The following CFAP47 variants were observed in gnomAD, a reference collection of about 807,000 sequenced individuals.
CFAP47 encodes cilia and flagella associated protein 47.
Under a neutral mutation model 148.1 loss-of-function variants are expected in CFAP47, and 29 were observed. The observed-to-expected ratio is 0.20, with a 90% CI of 0.15 to 0.27. The LOEUF (loss-of-function observed/expected upper bound fraction) is 0.27, where lower values mean the gene tolerates loss of function less well. Among genes scored for constraint, CFAP47 ranks in the 10% least tolerant of loss-of-function variants. CFAP47 has a pLI of 1.00. For synonymous variants in CFAP47, 664 were observed against 577.3 expected, an observed-to-expected ratio of 1.15 and a Z score of -2.15; for missense variants, 1,872 against 1,697.5, an observed-to-expected ratio of 1.10 and a Z score of -1.81.
At chrX:36,090,230 A>T (rs1199470670) in intron 30 of CFAP47, among the ~76,000 whole-genome samples, 1 of 112,069 alleles carries the variant, frequency 8.9e-6, no homozygotes, top group East Asian at 2.8e-4. Context: ...TAATTGATTC[A>T]ATAAGGTAAG....
chrX:36,191,106 A>G (rs1035438710), intron 42 of CFAP47, among the ~76,000 whole-genome samples: 63 of 111,824 alleles, frequency 5.6e-4, no homozygotes, highest in Middle Eastern at 5.0e-3. Context: ...GAAGGAAAAA[A>G]ATGCCTTTTT....
chrX:36,197,438 A>T (rs1258632152), intron 42 of CFAP47, among the ~76,000 whole-genome samples: 3 of 112,446 alleles, frequency 2.7e-5, no homozygotes, highest in Non-Finnish European at 3.8e-5. Flanking sequence ...TTGCTTATGC[A>T]CATTTTATTT....
intron 26 of CFAP47, among the ~76,000 whole-genome samples, chrX:36,052,292 A>G (rs1937522967): frequency 8.9e-6 from 1 of 112,163 alleles, no homozygotes; most frequent in African/African-American, 3.2e-5. Flanking sequence ...TAGTAGAATG[A>G]TTGACCTTTT....
intron 49 of CFAP47, among the ~76,000 whole-genome samples, chrX:36,266,544 T>C (rs1940894945): frequency 9.1e-6 from 1 of 109,543 alleles, no homozygotes; most frequent in South Asian, 4.0e-4. Context: ...TTGTGACCCA[T>C]AGGGACAGTG....
chrX:36,336,682 T>C (rs1941609518), intron 57 of CFAP47, among the ~76,000 whole-genome samples: 1 of 112,209 alleles, frequency 8.9e-6, no homozygotes, highest in South Asian at 3.7e-4. Flanking sequence ...AAGAAACATT[T>C]ATGTTTTCTT....
chrX:35,971,591 G>A lies in CFAP47; in HGVS notation c.1976G>A (p.Arg659His), dbSNP rs368056515. The A allele has an allele frequency of 1.4e-4, 157 of 1,109,380 alleles. No homozygotes were observed. The South Asian group carries it at 2.1e-3, about 15-fold the overall frequency. 91.4% of individuals were successfully genotyped at this position (1,109,380 alleles called of 1,213,427 possible). Residue 659 changes from arginine to histidine, a missense_variant, in exon 12 of 64, where the codon CGC becomes CAC. Arg to His is a conservative substitution (Grantham distance 29). Transcript: ENST00000378653. The stretch of plus-strand genomic sequence containing the variant: ...TATTATTATTAATTTTATAGGGAGC[G>A]CATGTATTCATATGATGATACAGAC... ...RLQKKQAERE[R>H]MYSYDDTDIG...
intron 2 of CFAP47, among the ~76,000 whole-genome samples, chrX:35,927,596 G>GGTGT (rs371527797): frequency 1.5e-4 from 16 of 106,296 alleles, no homozygotes; most frequent in African/African-American, 5.2e-4. Flanking sequence ...GTTGAAGGAA[G>GGTGT]GTGTGTGTGT....
intron 33 of CFAP47, among the ~76,000 whole-genome samples, chrX:36,134,625 A>T (rs1184604474): frequency 9.0e-6 from 1 of 111,392 alleles, no homozygotes; most frequent in African/African-American, 3.3e-5. Flanking sequence ...TCGTACTAAA[A>T]TTATCTCAAA....
At chrX:36,032,110 C>G (rs1222642677) in intron 23 of CFAP47, among the ~76,000 whole-genome samples, 1 of 111,191 alleles carries the variant, frequency 9.0e-6, no homozygotes, top group East Asian at 2.8e-4. Flanking sequence ...TTCAAGGATA[C>G]AAAGACCTTA....
chrX:35,940,436 G>A (rs968736229), intron 2 of CFAP47, among the ~76,000 whole-genome samples: 12 of 111,124 alleles, frequency 1.1e-4, no homozygotes, highest in African/African-American at 3.3e-4. Context: ...TAGGTCTAAC[G>A]TTTAACTATT....
At chrX:36,281,340 T>A (rs1325570381) in intron 50 of CFAP47, among the ~76,000 whole-genome samples, 2 of 112,532 alleles carry the variant, frequency 1.8e-5, no homozygotes, top group Non-Finnish European at 3.7e-5. Context: ...TGTGTGTGTC[T>A]GTATTTGTGT....
chrX:35,943,445 T>C (rs1208133172), intron 3 of CFAP47, among the ~76,000 whole-genome samples: 1 of 111,651 alleles, frequency 9.0e-6, no homozygotes, highest in Non-Finnish European at 1.9e-5. Flanking sequence ...TTTATGTGTG[T>C]AACAACTCCT....
At chrX:36,048,194 T>C (rs1477663433) in intron 26 of CFAP47, among the ~76,000 whole-genome samples, 1 of 112,229 alleles carries the variant, frequency 8.9e-6, no homozygotes, top group Admixed American at 9.5e-5. Flanking sequence ...AAGAGCTTCC[T>C]TTTCATTTTA....
Position 36,371,793 on chromosome X carries a change from T to TATATGCACACATGTATATATGTGTGC in CFAP47, c.9185+4670_9185+4671insGCACACATGTATATATGTGTGCATAT, listed in dbSNP as rs1569329528. ...ATACACACATGTGTATATATGTGTG[T>TATATGCACACATGTATATATGTGTGC]ATATACACACATGTATATATGTGTG... On this transcript the variant is annotated intron_variant, in intron 62 of 63. Transcript: ENST00000378653. 1.1e-4 allele frequency among the ~76,000 whole-genome samples: 6 copies of TATATGCACACATGTATATATGTGTGC among 52,221 alleles called. 1 individual carries two copies. The highest frequency in any genetic ancestry group is 1.7e-4 in the Non-Finnish European group (6 of 35,013). 45.3% of individuals were successfully genotyped at this position (52,221 alleles called of 115,157 possible). A position where few individuals can be genotyped will look rare whatever the true frequency, so the allele number is the denominator to read the frequency against.
intron 33 of CFAP47, among the ~76,000 whole-genome samples, chrX:36,105,709 AC>A (rs1169238142): frequency 8.9e-6 from 1 of 112,406 alleles, no homozygotes; most frequent in Non-Finnish European, 1.9e-5. Flanking sequence ...AAAACAAAGT[AC>A]AAATAAATAA....
chrX:35,919,964 G>A lies in CFAP47; in HGVS notation c.165G>A (p.Gly55=), dbSNP rs1393487438. ...AEVKFLDTMA[G]RVYRLPITVH... is the part of the protein sequence containing the mutation. ...TGAAGTTCCTGGACACGATGGCCGG[G>A]AGGGTGTACCGCCTCCCGATTACTG... Residue 55 remains glycine (G), a synonymous_variant, in exon 1 of 64, where the codon GGG becomes GGA. Transcript: ENST00000378653. 1 of 1,208,745 alleles carries A rather than the reference G, an allele frequency of 8.3e-7. No individual in the cohort carries two copies. The highest frequency in any genetic ancestry group is 1.1e-6 in the Non-Finnish European group (1 of 894,795).
At chrX:36,281,645 TA>T (rs1174654282) in intron 50 of CFAP47, among the ~76,000 whole-genome samples, 5 of 112,783 alleles carry the variant, frequency 4.4e-5, no homozygotes, top group African/African-American at 1.6e-4. Context: ...CAAATTATAC[TA>T]ATATAAATGT....
At chrX:36,307,233 T>C (rs782419899) in intron 55 of CFAP47, among the ~76,000 whole-genome samples, 8 of 111,756 alleles carry the variant, frequency 7.2e-5, no homozygotes, top group Non-Finnish European at 7.6e-5. Context: ...AATTTGTAAA[T>C]ATTTGTTATT....
intron 56 of CFAP47, among the ~76,000 whole-genome samples, chrX:36,312,333 T>C (rs1364953816): frequency 9.0e-6 from 1 of 110,835 alleles, no homozygotes; most frequent in African/African-American, 3.3e-5. Context: ...GGAAGAGAGA[T>C]ATAGTAGAGA....
Sources: allele counts gnomAD v4.1 joint callset (sites outside exome capture counted in the v4.1 genomes callset), GRCh38; gene constraint gnomAD v4.1.1; transcripts MANE v1.5; gene names NCBI Gene and HGNC (gene_info 2026-07-23, HGNC 2026-07-21).